LCLAT1: variants seen among roughly 807,000 people sequenced by gnomAD.
LCLAT1 encodes the protein lysocardiolipin acyltransferase 1.
LCLAT1 carries 11 observed loss-of-function variants against 30.7 expected under a neutral mutation model. That is an observed-to-expected ratio of 0.36 (90% CI 0.23 to 0.59). The LOEUF is 0.59. Ranked by LOEUF, LCLAT1 falls within the 20% of genes least tolerant of loss-of-function variation. The pLI is 0.77. For missense variants in LCLAT1, 402 were observed against 458.6 expected (o/e 0.88, Z 1.13); for synonymous variants, 155 against 151.3 (o/e 1.02, Z -0.18).
intron 4 of LCLAT1, among the ~76,000 whole-genome samples, chr2:30,566,910 A>G (rs142526845): frequency 6.6e-6 from 1 of 152,206 alleles, no homozygotes; most frequent in Non-Finnish European, 1.5e-5. Context: ...CCATGTTCAG[A>G]TATTTGTACA....
chr2:30,541,779 ATG>A (rs1305873686), intron 3 of LCLAT1, among the ~76,000 whole-genome samples: 1 of 152,178 alleles, frequency 6.6e-6, no homozygotes, highest in Non-Finnish European at 1.5e-5. Flanking sequence ...AATATGGTAA[ATG>A]TGTGTGTAAC....
At chr2:30,639,621 A>G (rs1669205048) in intron 5 of LCLAT1, among the ~76,000 whole-genome samples, 1 of 152,158 alleles carries the variant, frequency 6.6e-6, no homozygotes, top group Non-Finnish European at 1.5e-5. Flanking sequence ...AAAAAAGTAT[A>G]TGGTAGTTTT....
intron 1 of LCLAT1, among the ~76,000 whole-genome samples, chr2:30,481,196 C>T (rs967223997): frequency 2.0e-5 from 3 of 152,028 alleles, no homozygotes; most frequent in African/African-American, 4.8e-5. Context: ...AGTGGTAATT[C>T]GATTTTTACT....
Position 30,640,993 on chromosome 2 carries a change from C to T in LCLAT1, c.*374C>T. 4.5e-6 allele frequency: 1 copy of T among 221,220 alleles called. No individual in the cohort carries two copies. Among genetic ancestry groups the T allele is most frequent in the Non-Finnish European group, 8.9e-6 (1 of 112,574 alleles). 13.7% of individuals were successfully genotyped at this position (221,220 alleles called of 1,614,324 possible). On this transcript the variant is annotated 3_prime_UTR_variant, in exon 6 of 6. Coordinates refer to ENST00000379509, the MANE Select transcript of LCLAT1 (RefSeq NM_001002257.3). The stretch of plus-strand genomic sequence containing the variant: ...CGTCAACAACAGCCCGGATCACATG[C>T]TGTTACTGGACTGCCCAGGTCACCT...
rs760622200 is a variant in LCLAT1 at position 30,461,770 on chromosome 2, C to CCTTTTTTTTTTTTTTTTTTTTTTTT, written c.-5+14387_-5+14388insCTTTTTTTTTTTTTTTTTTTTTTTT. Among the ~76,000 whole-genome samples the CCTTTTTTTTTTTTTTTTTTTTTTTT allele has an allele frequency of 2.7e-3, 355 of 131,676 alleles. 28 individuals carry two copies. Among genetic ancestry groups the CCTTTTTTTTTTTTTTTTTTTTTTTT allele is most frequent in the Middle Eastern group, 8.2e-3 (2 of 244 alleles). The allele number at this position is 131,676 out of a possible 152,430, so 86.4% of individuals were successfully genotyped here. Reference sequence around the variant, plus strand: ...TGTGGACCACTTTTTCTAAATTAAACTTTTTTTTTTTTTTTTTTGAGACGG... The same window carrying CCTTTTTTTTTTTTTTTTTTTTTTTT: ...TGTGGACCACTTTTTCTAAATTAAACCTTTTTTTTTTTTTTTTTTTTTTTTTTTTTTTTTTTTTTTTTTGAGACGG... On this transcript the variant is annotated intron_variant, in intron 1 of 5. Coordinates refer to ENST00000379509, the MANE Select transcript of LCLAT1 (RefSeq NM_001002257.3).
chr2:30,536,356 A>G (rs1171747401), intron 3 of LCLAT1, among the ~76,000 whole-genome samples: 1 of 152,216 alleles, frequency 6.6e-6, no homozygotes, highest in Non-Finnish European at 1.5e-5. Flanking sequence ...CAAACTCTCA[A>G]AAGTCAAGAG....
intron 2 of LCLAT1, among the ~76,000 whole-genome samples, chr2:30,528,431 C>A (rs1248671754): frequency 6.6e-6 from 1 of 152,036 alleles, no homozygotes; most frequent in Admixed American, 6.6e-5. Context: ...GAAGAGTGGG[C>A]AGAGAAGAGA....
intron 5 of LCLAT1, among the ~76,000 whole-genome samples, chr2:30,578,363 A>G (rs945132511): frequency 1.3e-5 from 2 of 152,148 alleles, no homozygotes; most frequent in African/African-American, 4.8e-5. Flanking sequence ...AGTGTGCCAA[A>G]GTCAGGTAAT....
At chr2:30,459,478 AC>A in intron 1 of LCLAT1, 1 of 703,410 alleles carries the variant, frequency 1.4e-6, no homozygotes, top group South Asian at 1.7e-5. Context: ...TACTCCATGA[AC>A]CATCTGATGA....
intron 5 of LCLAT1, among the ~76,000 whole-genome samples, chr2:30,626,202 A>T (rs1385787797): frequency 1.3e-5 from 2 of 152,206 alleles, no homozygotes; most frequent in African/African-American, 4.8e-5. Flanking sequence ...GCAAATTAGT[A>T]GATTATGCAC....
At chr2:30,596,232 G>GGTTGA (rs1235968028) in intron 5 of LCLAT1, among the ~76,000 whole-genome samples, 5 of 152,158 alleles carry the variant, frequency 3.3e-5, no homozygotes, top group Admixed American at 2.0e-4. Context: ...CTTCCACAGT[G>GGTTGA]GTTGAACTAA....
At chr2:30,450,757 T>C (rs1432702302) in intron 1 of LCLAT1, among the ~76,000 whole-genome samples, 36 of 152,174 alleles carry the variant, frequency 2.4e-4, no homozygotes, top group Admixed American at 2.2e-3. Flanking sequence ...GGAGAACTGC[T>C]GAAACCATAA....
chr2:30,488,240 G>A (rs1277557852), intron 1 of LCLAT1, among the ~76,000 whole-genome samples: 27 of 152,176 alleles, frequency 1.8e-4, no homozygotes, highest in Admixed American at 1.6e-3. Flanking sequence ...CAGCAATCAG[G>A]AATATTAGTA....
At chr2:30,487,664 T>TA (rs1683629009) in intron 1 of LCLAT1, among the ~76,000 whole-genome samples, 1 of 151,336 alleles carries the variant, frequency 6.6e-6, no homozygotes, top group African/African-American at 2.5e-5. Context: ...TGAAGTGTGT[T>TA]AAATGGGGAT....
chr2:30,633,411 G>A (rs572352761), intron 5 of LCLAT1, among the ~76,000 whole-genome samples: 82 of 152,184 alleles, frequency 5.4e-4, no homozygotes, highest in African/African-American at 1.9e-3. Context: ...ACATGTCGCC[G>A]GGCACAGTGG....
chr2:30,493,918 C>T (rs546543157), intron 1 of LCLAT1, among the ~76,000 whole-genome samples: 4 of 152,152 alleles, frequency 2.6e-5, no homozygotes, highest in Admixed American at 6.5e-5. Flanking sequence ...TTTCAGAGGC[C>T]GAGGTGGTAG....
intron 1 of LCLAT1, among the ~76,000 whole-genome samples, chr2:30,491,979 A>C (rs1683855038): frequency 6.6e-6 from 1 of 152,240 alleles, no homozygotes; most frequent in Admixed American, 6.5e-5. Context: ...TTTTATTCCT[A>C]AAGGGAAACT....
chr2:30,623,301 G>T (rs539428517), intron 5 of LCLAT1, among the ~76,000 whole-genome samples: 4 of 152,018 alleles, frequency 2.6e-5, no homozygotes, highest in Non-Finnish European at 5.9e-5. Flanking sequence ...TGATCCACCC[G>T]CCTTGGCCTC....
chr2:30,568,799 G>A (rs1188158189), intron 5 of LCLAT1, among the ~76,000 whole-genome samples: 8 of 140,196 alleles, frequency 5.7e-5, no homozygotes, highest in Middle Eastern at 4.3e-3. Context: ...GAGCCACGGC[G>A]CCCGGCCAAA....
Sources: allele counts gnomAD v4.1 joint callset (sites outside exome capture counted in the v4.1 genomes callset), GRCh38; gene constraint gnomAD v4.1.1; transcripts MANE v1.5; gene names NCBI Gene and HGNC (gene_info 2026-07-23, HGNC 2026-07-21).